Variants in U2SURP observed in about 807,000 individuals in gnomAD.
U2SURP encodes the protein U2 snRNP associated SURP domain containing.
U2SURP carries 9 observed loss-of-function variants against 144.9 expected under a neutral mutation model. That is an observed-to-expected ratio of 0.06 (90% CI 0.04 to 0.11). The LOEUF (loss-of-function observed/expected upper bound fraction) is 0.11. Among genes scored for constraint, U2SURP ranks in the 10% least tolerant of loss-of-function variants. The pLI is 1.00. For missense variants in U2SURP, 724 were observed against 1,226.7 expected (o/e 0.59, Z 6.12); for synonymous variants, 408 against 396.8 (o/e 1.03, Z -0.33).
intron 18 of U2SURP, chr3:143,034,643 C>T (rs754346058): frequency 2.0e-4 from 59 of 296,012 alleles, no homozygotes; most frequent in Middle Eastern, 1.0e-3. Context: ...CTAGATATAA[C>T]GTTTCTTGCT....
At chr3:143,018,706 G>T (rs1038012817) in intron 6 of U2SURP, among the ~76,000 whole-genome samples, 6 of 151,996 alleles carry the variant, frequency 3.9e-5, no homozygotes, top group Admixed American at 1.3e-4. Context: ...GTTTTCTCAC[G>T]TCGTACACTA....
At chr3:143,011,948 A>G (rs1936135483) in intron 2 of U2SURP, 2 of 548,640 alleles carry the variant, frequency 3.6e-6, no homozygotes, top group East Asian at 4.5e-5. Flanking sequence ...ATTTTGGCAG[A>G]CATTTTCTTG....
intron 1 of U2SURP, among the ~76,000 whole-genome samples, chr3:143,004,791 T>C (rs998515575): frequency 6.6e-6 from 1 of 152,156 alleles, no homozygotes; most frequent in African/African-American, 2.4e-5. Flanking sequence ...ATGTAGACAT[T>C]TAACAAATGT....
At position 143,036,021 on chromosome 3, in the gene U2SURP, G is replaced by A; in HGVS notation, c.1981G>A (p.Ala661Thr). The change falls in exon 20 of 28, where the codon GCA (alanine) becomes ACA (threonine). Residue 661 changes from alanine to threonine, a missense_variant. Coordinates refer to ENST00000473835, the MANE Select transcript of U2SURP (RefSeq NM_001080415.2). ...TTGCTTCAGAGCATGGGAAGATTGGGCAATTTATCCAGAACCATTTTTGAT... is the reference window on the plus strand; with the variant it reads ...TTGCTTCAGAGCATGGGAAGATTGGACAATTTATCCAGAACCATTTTTGAT... ...MTCFRAWEDW[A>T]IYPEPFLIKL... 6.2e-7 allele frequency: 1 copy of A among 1,609,416 alleles called. No homozygotes were observed. The highest frequency in any genetic ancestry group is 8.5e-7 in the Non-Finnish European group (1 of 1,178,408).
rs552560548 is a variant in U2SURP, at chr3:143,012,253, T to C, written c.122T>C (p.Met41Thr). 1.2e-5 allele frequency: 19 copies of C among 1,613,266 alleles called. No individual in the cohort carries two copies. Among genetic ancestry groups the C allele is most frequent in the South Asian group, 4.4e-5 (4 of 91,008 alleles). ...GCATCTGGACCCTCAGATAGTGATA[T>C]GCCAAGTCGGACACGACCTAAGAGC... ...MDASGPSDSDMPSRTRPKSPR... is the reference protein window; with the variant it reads ...MDASGPSDSDTPSRTRPKSPR... Residue 41 changes from methionine to threonine, a missense_variant, in exon 3 of 28, where the codon ATG becomes ACG. Coordinates refer to ENST00000473835, the MANE Select transcript of U2SURP (RefSeq NM_001080415.2).
chr3:143,020,359 A>C (rs1283250419), intron 7 of U2SURP, among the ~76,000 whole-genome samples: 2 of 152,164 alleles, frequency 1.3e-5, no homozygotes, highest in Non-Finnish European at 2.9e-5. Context: ...CAGTGGTTTT[A>C]GTGTTTAATT....
At chr3:143,007,510 C>T (rs1367279695) in intron 1 of U2SURP, among the ~76,000 whole-genome samples, 1 of 146,430 alleles carries the variant, frequency 6.8e-6, no homozygotes, top group Non-Finnish European at 1.5e-5. Flanking sequence ...AGTGCTATCT[C>T]AGCTCACTGC....
chr3:143,044,018 G>T (rs1296642538), intron 24 of U2SURP, among the ~76,000 whole-genome samples: 3 of 152,016 alleles, frequency 2.0e-5, no homozygotes, highest in African/African-American at 7.3e-5. Flanking sequence ...CTCCCAAAGT[G>T]CTGGGATTAC....
intron 13 of U2SURP, chr3:143,024,558 A>T (rs1209666338): frequency 2.4e-6 from 1 of 424,176 alleles, no homozygotes; most frequent in Non-Finnish European, 4.6e-6. Context: ...GGTATTTGGA[A>T]TTCTTTTATT....
At chr3:143,038,581 C>A (rs1933932608) in intron 22 of U2SURP, among the ~76,000 whole-genome samples, 1 of 152,028 alleles carries the variant, frequency 6.6e-6, no homozygotes, top group Non-Finnish European at 1.5e-5. Context: ...CTGTCTTTCA[C>A]ACTTACTTAG....
chr3:143,021,422 T>C, intron 9 of U2SURP, 37 bp downstream of exon 9: 1 of 1,608,760 alleles, frequency 6.2e-7, no homozygotes, highest in Non-Finnish European at 8.5e-7. Flanking sequence ...CGATAAATTT[T>C]CCAAACTTTA....
rs763963591 is a variant in U2SURP at position 143,027,296 on chromosome 3, T to C, written c.1379+43T>C. Reference sequence around the variant, plus strand: ...ATTGTGAAATATATGTAACATAAAATTTCCCATTTTAACTATTTTTAAGTA... The same window carrying C: ...ATTGTGAAATATATGTAACATAAAACTTCCCATTTTAACTATTTTTAAGTA... On this transcript the variant is annotated intron_variant, in intron 14 of 27. Coordinates refer to ENST00000473835, the MANE Select transcript of U2SURP (RefSeq NM_001080415.2). The C allele has an allele frequency of 5.3e-6, 8 of 1,504,074 alleles. No individual in the cohort carries two copies. In the East Asian group the frequency reaches 1.6e-4, roughly 30 times the overall value. The allele number at this position is 1,504,074 out of a possible 1,614,324, so 93.2% of individuals were successfully genotyped here. A position where few individuals can be genotyped will look rare whatever the true frequency, so the allele number is the denominator to read the frequency against.
chr3:143,010,876 A>G lies in U2SURP; in HGVS notation c.90+17A>G, dbSNP rs753952198. 1.3e-6 allele frequency: 2 copies of G among 1,592,244 alleles called. No individual in the cohort carries two copies. The highest frequency in any genetic ancestry group is 1.7e-6 in the Non-Finnish European group (2 of 1,168,442). On this transcript the variant is annotated intron_variant, in intron 2 of 27. Coordinates refer to ENST00000473835, the MANE Select transcript of U2SURP (RefSeq NM_001080415.2). ...GATGCACATGTGAGTATAGAAGGCA[A>G]TCTTTGTCTTTTTTCCTTTAAAATT...
At chr3:143,030,942 G>A (rs1933447274) in intron 16 of U2SURP, among the ~76,000 whole-genome samples, 1 of 152,082 alleles carries the variant, frequency 6.6e-6, no homozygotes, top group Non-Finnish European at 1.5e-5. Context: ...TATAAAAATC[G>A]ACATTAACAG....
At chr3:143,014,469 A>C in intron 4 of U2SURP, 60 bp downstream of exon 4, 3 of 1,192,100 alleles carry the variant, frequency 2.5e-6, no homozygotes, top group Non-Finnish European at 3.6e-6. Context: ...AGGGGTTAGT[A>C]AGTGTATTAG....
Position 143,028,641 on chromosome 3 carries a change from G to A in U2SURP, c.1605G>A (p.Lys535=). The part of the protein sequence containing the change: ...VEEPSKKGAL[K]EEQRDKLEEI... ...AACCTAGTAAAAAGGGAGCACTTAA[G>A]GAAGAGTAAGATATTTTTCCTTTCT... Residue 535 remains lysine (K), a synonymous_variant, in exon 16 of 28, where the codon AAG becomes AAA. Coordinates refer to ENST00000473835, the MANE Select transcript of U2SURP (RefSeq NM_001080415.2). The A allele has an allele frequency of 1.3e-6, 2 of 1,594,500 alleles. No homozygotes were observed. Among genetic ancestry groups the A allele is most frequent in the Non-Finnish European group, 1.7e-6 (2 of 1,174,704 alleles).
intron 20 of U2SURP, chr3:143,036,968 T>G: frequency 5.7e-6 from 3 of 521,948 alleles, no homozygotes; most frequent in South Asian, 6.1e-5. Flanking sequence ...CCTCACAAGG[T>G]ACCTGGCACC....
chr3:143,004,703 T>C (rs1353619952), intron 1 of U2SURP, among the ~76,000 whole-genome samples: 2 of 151,952 alleles, frequency 1.3e-5, no homozygotes, highest in Non-Finnish European at 2.9e-5. Flanking sequence ...TATTCATAAT[T>C]GTCCCTAATG....
At chr3:143,008,303 G>A (rs1049062336) in intron 1 of U2SURP, among the ~76,000 whole-genome samples, 1 of 152,238 alleles carries the variant, frequency 6.6e-6, no homozygotes, top group Non-Finnish European at 1.5e-5. Flanking sequence ...TAGGCAGAAT[G>A]CCTAGGTTCT....
Sources: gnomAD v4.1 joint callset for allele counts (sites outside exome capture counted in the v4.1 genomes callset) on GRCh38, gnomAD v4.1.1 for gene constraint, MANE v1.5 for transcripts, NCBI Gene and HGNC (gene_info 2026-07-23, HGNC 2026-07-21) for gene names.